Variants in PIBF1 observed in about 807,000 individuals in gnomAD.
PIBF1 encodes progesterone-induced-blocking factor 1.
PIBF1 carries 90 observed loss-of-function variants against 112.5 expected under a neutral mutation model. The ratio of observed to expected loss-of-function variants is 0.80; its 90% CI spans 0.67 to 0.95. The LOEUF (loss-of-function observed/expected upper bound fraction) is 0.95. Among genes scored for constraint, PIBF1 ranks in the 40% least tolerant of loss-of-function variants. The probability of loss-of-function intolerance (pLI) is 0.00; values close to 1 mark genes in which losing one functional copy is unlikely to be tolerated. For synonymous variants in PIBF1, 301 were observed against 288.6 expected (o/e 1.04, Z -0.44); for missense variants, 915 against 852.3 (o/e 1.07, Z -0.92).
chr13:72,946,708 C>A (rs1231236444), intron 14 of PIBF1, among the ~76,000 whole-genome samples: 1 of 152,184 alleles, frequency 6.6e-6, no homozygotes, highest in Non-Finnish European at 1.5e-5. Flanking sequence ...GCTACAGGCC[C>A]CATGTTAAGT....
intron 13 of PIBF1, among the ~76,000 whole-genome samples, chr13:72,925,696 C>T (rs1040750909): frequency 2.6e-5 from 4 of 151,848 alleles, no homozygotes; most frequent in Non-Finnish European, 5.9e-5. Flanking sequence ...CGCCTGCCAC[C>T]ACACCCAGCT....
rs1053829015 is a variant in PIBF1 at position 73,013,918 on chromosome 13, G to A, written c.2224-1951G>A. Among the ~76,000 whole-genome samples, 31 of 152,064 alleles carry A rather than the reference G, an allele frequency of 2.0e-4. 1 individual carries two copies. Among genetic ancestry groups the A allele is most frequent in the Non-Finnish European group, 5.9e-5 (4 of 68,008 alleles). ...AACAAAACCACCAACCTAAAATTCT[G>A]TACCCTGCAAAATTATTCTTTTCAG... On this transcript the variant is annotated intron_variant, in intron 17 of 17. Transcript: ENST00000326291.
At chr13:72,977,380 G>T (rs952911288) in intron 16 of PIBF1, among the ~76,000 whole-genome samples, 7 of 151,940 alleles carry the variant, frequency 4.6e-5, no homozygotes, top group Non-Finnish European at 1.0e-4. Flanking sequence ...TAATTTTTTT[G>T]TATTTTTAGT....
intron 15 of PIBF1, among the ~76,000 whole-genome samples, chr13:72,966,245 C>G (rs1027502746): frequency 1.3e-5 from 2 of 152,126 alleles, no homozygotes; most frequent in Non-Finnish European, 2.9e-5. Context: ...CTATTGGTAA[C>G]TAATTCCAAA....
At chr13:72,799,946 C>T (rs1056140305) in intron 5 of PIBF1, among the ~76,000 whole-genome samples, 3 of 152,140 alleles carry the variant, frequency 2.0e-5, no homozygotes, top group African/African-American at 7.2e-5. Flanking sequence ...GGTTTTTCTG[C>T]CCTGTCAAGG....
At chr13:72,986,676 CTTTTTTTTT>C (rs765529786) in intron 16 of PIBF1, among the ~76,000 whole-genome samples, 2 of 89,036 alleles carry the variant, frequency 2.2e-5, no homozygotes, top group Admixed American at 1.4e-4. Context: ...TTTCTGTCAT[CTTTTTTTTT>C]TTTTTTTTTT....
At chr13:72,847,694 C>T (rs2037935497) in intron 9 of PIBF1, among the ~76,000 whole-genome samples, 1 of 152,222 alleles carries the variant, frequency 6.6e-6, no homozygotes, top group African/African-American at 2.4e-5. Flanking sequence ...AAATGTATAG[C>T]TTCTCCCAAG....
intron 16 of PIBF1, among the ~76,000 whole-genome samples, chr13:72,977,014 C>G (rs1460490572): frequency 6.6e-6 from 1 of 152,158 alleles, no homozygotes; most frequent in Non-Finnish European, 1.5e-5. Context: ...AGGCCGCTAG[C>G]TTGTCTCACC....
chr13:73,014,281 CTCTT>C (rs2044318806), intron 17 of PIBF1, among the ~76,000 whole-genome samples: 2 of 152,128 alleles, frequency 1.3e-5, no homozygotes, highest in Non-Finnish European at 1.5e-5. Flanking sequence ...TCTCTACAAT[CTCTT>C]TCATTAGATA....
At chr13:72,872,387 T>A (rs1205106346) in intron 10 of PIBF1, among the ~76,000 whole-genome samples, 2 of 152,148 alleles carry the variant, frequency 1.3e-5, no homozygotes, top group East Asian at 3.9e-4. Flanking sequence ...TAATTTTGAT[T>A]TAGGAATTGT....
intron 2 of PIBF1, among the ~76,000 whole-genome samples, chr13:72,789,332 G>C (rs1016273726): frequency 3.3e-5 from 5 of 151,902 alleles, no homozygotes; most frequent in South Asian, 2.1e-4. Context: ...CTACAGGCGT[G>C]TACCACCACA....
intron 13 of PIBF1, 65 bp downstream of exon 13, chr13:72,917,231 C>T (rs1484273951): frequency 1.1e-6 from 1 of 945,086 alleles, no homozygotes; most frequent in African/African-American, 1.7e-5. Context: ...TTTGTGCTTT[C>T]TGATAATGTG....
intron 10 of PIBF1, 118 bp downstream of exon 10, chr13:72,854,273 AT>A (rs1421273702): frequency 1.6e-6 from 1 of 630,882 alleles, no homozygotes; most frequent in Non-Finnish European, 2.8e-6. Context: ...GGAGAGACTA[AT>A]TTTCATTTCA....
chr13:72,897,988 A>T (rs1014040421), intron 11 of PIBF1, among the ~76,000 whole-genome samples: 1 of 152,214 alleles, frequency 6.6e-6, no homozygotes, highest in African/African-American at 2.4e-5. Flanking sequence ...AGAACATTTC[A>T]TCGAACAACT....
intron 17 of PIBF1, among the ~76,000 whole-genome samples, chr13:73,005,619 G>A (rs534026002): frequency 1.5e-4 from 23 of 151,994 alleles, no homozygotes; most frequent in Non-Finnish European, 2.4e-4. Flanking sequence ...AAAATGGAAC[G>A]TAGCAGTTAT....
At chr13:72,867,940 A>C (rs754271384) in intron 10 of PIBF1, among the ~76,000 whole-genome samples, 2 of 152,188 alleles carry the variant, frequency 1.3e-5, no homozygotes, top group South Asian at 4.1e-4. Flanking sequence ...CTCTGCATGT[A>C]ATGATGCCTA....
intron 11 of PIBF1, among the ~76,000 whole-genome samples, chr13:72,898,141 A>C (rs1444558732): frequency 2.6e-5 from 4 of 152,186 alleles, no homozygotes; most frequent in Non-Finnish European, 5.9e-5. Flanking sequence ...ATAAAACTGG[A>C]AATCAACTCC....
intron 12 of PIBF1, among the ~76,000 whole-genome samples, chr13:72,910,894 C>T (rs962929989): frequency 3.3e-5 from 5 of 152,132 alleles, no homozygotes; most frequent in Non-Finnish European, 5.9e-5. Flanking sequence ...GAACCACTCC[C>T]CCCAAAATCA....
At chr13:72,873,421 G>A (rs1011935113) in intron 10 of PIBF1, among the ~76,000 whole-genome samples, 1 of 151,656 alleles carries the variant, frequency 6.6e-6, no homozygotes. Context: ...TTTTTGAGCT[G>A]GAGTTTTGCT....
Sources: allele counts gnomAD v4.1 joint callset (sites outside exome capture counted in the v4.1 genomes callset), GRCh38; gene constraint gnomAD v4.1.1; transcripts MANE v1.5; gene names NCBI Gene and HGNC (gene_info 2026-07-23, HGNC 2026-07-21).